The following CNTNAP2 variants were observed in gnomAD, a reference collection of about 807,000 sequenced individuals.
CNTNAP2 encodes the protein contactin-associated protein-like 2.
Under a neutral mutation model 155.2 loss-of-function variants are expected in CNTNAP2, and 98 were observed. The observed-to-expected ratio is 0.63, with a 90% CI of 0.54 to 0.75. The LOEUF (loss-of-function observed/expected upper bound fraction) is 0.75. Ranked by LOEUF, CNTNAP2 falls within the 30% of genes least tolerant of loss-of-function variation. The pLI, the probability that CNTNAP2 is intolerant of heterozygous loss-of-function variation, is 0.00. For synonymous variants in CNTNAP2, 651 were observed against 631.2 expected (o/e 1.03, Z -0.47); for missense variants, 1,727 against 1,688.1 (o/e 1.02, Z -0.40).
chr7:148,054,378 T>G (rs1002709859), intron 15 of CNTNAP2, among the ~76,000 whole-genome samples: 3 of 151,812 alleles, frequency 2.0e-5, no homozygotes, highest in African/African-American at 7.3e-5. Flanking sequence ...AGTAATCTGA[T>G]TTAATCACAA....
chr7:148,272,642 T>TAA (rs200342493), intron 21 of CNTNAP2, among the ~76,000 whole-genome samples: 2 of 151,818 alleles, frequency 1.3e-5, no homozygotes, highest in African/African-American at 4.8e-5. Flanking sequence ...AGCACTTAGA[T>TAA]AAAAAAAATA....
intron 11 of CNTNAP2, among the ~76,000 whole-genome samples, chr7:147,501,660 G>C (rs1210782229): frequency 2.0e-5 from 3 of 152,128 alleles, no homozygotes; most frequent in South Asian, 2.1e-4. Flanking sequence ...CCAACTATAG[G>C]GTAATGTAAG....
At chr7:146,166,158 G>GCACAA (rs1433191267) in intron 1 of CNTNAP2, among the ~76,000 whole-genome samples, 4 of 151,976 alleles carry the variant, frequency 2.6e-5, no homozygotes, top group Non-Finnish European at 5.9e-5. Flanking sequence ...CAGTGGGATG[G>GCACAA]TCTTGGCTCA....
intron 23 of CNTNAP2, among the ~76,000 whole-genome samples, chr7:148,411,513 G>A (rs34399353): frequency 0.044 from 6,649 of 152,118 alleles, 182 homozygotes; most frequent in Middle Eastern, 0.071. Flanking sequence ...TGATCCACTC[G>A]CCTCAGCCTC....
At chr7:146,999,652 A>G (rs1031854998) in intron 3 of CNTNAP2, among the ~76,000 whole-genome samples, 1 of 151,396 alleles carries the variant, frequency 6.6e-6, no homozygotes, top group African/African-American at 2.4e-5. Flanking sequence ...TTTGCAGGGC[A>G]TAGTATTTTT....
At chr7:146,669,965 T>C (rs1250751054) in intron 1 of CNTNAP2, among the ~76,000 whole-genome samples, 4 of 152,124 alleles carry the variant, frequency 2.6e-5, no homozygotes, top group Non-Finnish European at 4.4e-5. Context: ...CAATCAAATT[T>C]TGTAATCTGT....
chr7:146,145,018 G>T (rs1004901044), intron 1 of CNTNAP2, among the ~76,000 whole-genome samples: 2 of 152,120 alleles, frequency 1.3e-5, no homozygotes, highest in East Asian at 1.9e-4. Flanking sequence ...TGGATTTGAT[G>T]AATTTTGTCC....
Position 147,128,709 on chromosome 7 carries a change from T to A in CNTNAP2, c.956T>A (p.Ile319Asn). 1 of 1,614,036 alleles carries A rather than the reference T, an allele frequency of 6.2e-7. No individual in the cohort carries two copies. The highest frequency in any genetic ancestry group is 8.5e-7 in the Non-Finnish European group (1 of 1,179,934). ...TTCTCAAAGATAACCTTTGGAGGCA[T>A]CCCTTTCTCTGGCAAGCCCAGCTCC... The part of the protein sequence containing the change: ...DLDYEITFGG[I>N]PFSGKPSSSS... Residue 319 changes from isoleucine (I) to asparagine (N), a missense_variant, in exon 7 of 24, where the codon ATC becomes AAC. Coordinates refer to ENST00000361727, the MANE Select transcript of CNTNAP2 (RefSeq NM_014141.6).
chr7:148,310,229 T>G (rs1264821909), intron 21 of CNTNAP2, among the ~76,000 whole-genome samples: 3 of 152,362 alleles, frequency 2.0e-5, no homozygotes, highest in African/African-American at 7.2e-5. Context: ...GGCAAGTTTT[T>G]GGGCTCTATC....
intron 1 of CNTNAP2, chr7:146,311,624 A>AG: frequency 1.3e-5 from 2 of 148,956 alleles, no homozygotes; most frequent in Non-Finnish European, 3.0e-5. Context: ...AAAAAAAAAA[A>AG]AAAAGAAAGA....
intron 15 of CNTNAP2, among the ~76,000 whole-genome samples, chr7:148,059,404 C>G (rs1225081913): frequency 1.3e-5 from 2 of 151,910 alleles, no homozygotes; most frequent in Non-Finnish European, 2.9e-5. Flanking sequence ...CCAGCCTGAC[C>G]AACATGGTGA....
chr7:147,810,091 G>T (rs77773415), intron 13 of CNTNAP2, among the ~76,000 whole-genome samples: 2,372 of 152,196 alleles, frequency 0.016, 74 homozygotes, highest in African/African-American at 0.054. Flanking sequence ...GTATTTTCTT[G>T]TAAGTACTTT....
At chr7:147,473,610 T>C (rs1280279796) in intron 10 of CNTNAP2, among the ~76,000 whole-genome samples, 1 of 152,152 alleles carries the variant, frequency 6.6e-6, no homozygotes, top group Non-Finnish European at 1.5e-5. Flanking sequence ...CAAATATAAG[T>C]TTTCCCTGCA....
intron 1 of CNTNAP2, among the ~76,000 whole-genome samples, chr7:146,156,973 T>C (rs1029526567): frequency 6.6e-6 from 1 of 152,194 alleles, no homozygotes; most frequent in African/African-American, 2.4e-5. Flanking sequence ...TGTGCAGAGT[T>C]TAAATCCAGC....
At chr7:146,278,405 A>G (rs1052943836) in intron 1 of CNTNAP2, among the ~76,000 whole-genome samples, 2 of 152,190 alleles carry the variant, frequency 1.3e-5, no homozygotes, top group African/African-American at 2.4e-5. Context: ...ATGATGAATA[A>G]AGAATACTCC....
At chr7:148,257,021 C>T (rs1329109081) in intron 20 of CNTNAP2, among the ~76,000 whole-genome samples, 2 of 152,156 alleles carry the variant, frequency 1.3e-5, no homozygotes, top group Admixed American at 6.5e-5. Context: ...GGTGAAAGGA[C>T]AGCAGAAGAG....
chr7:147,443,917 T>C (rs1195980578), intron 10 of CNTNAP2, among the ~76,000 whole-genome samples: 1 of 152,198 alleles, frequency 6.6e-6, no homozygotes, highest in Non-Finnish European at 1.5e-5. Flanking sequence ...ACGTAGAAAT[T>C]TGCCAGCTAC....
chr7:148,195,156 T>C (rs1795256784), intron 18 of CNTNAP2, among the ~76,000 whole-genome samples: 1 of 152,230 alleles, frequency 6.6e-6, no homozygotes, highest in Non-Finnish European at 1.5e-5. Flanking sequence ...ATTTGTACCC[T>C]CTGTGATGAA....
intron 11 of CNTNAP2, among the ~76,000 whole-genome samples, chr7:147,500,278 G>C (rs1281931928): frequency 6.6e-6 from 1 of 151,910 alleles, no homozygotes; most frequent in Non-Finnish European, 1.5e-5. Flanking sequence ...AAAGACAAAG[G>C]CATAGACATT....
Sources: gnomAD v4.1 joint callset for allele counts (sites outside exome capture counted in the v4.1 genomes callset) on GRCh38, gnomAD v4.1.1 for gene constraint, MANE v1.5 for transcripts, NCBI Gene and HGNC (gene_info 2026-07-23, HGNC 2026-07-21) for gene names.